The following HSPA13 variants were observed in gnomAD, a reference collection of about 807,000 sequenced individuals.
HSPA13 encodes the protein heat shock protein family A (Hsp70) member 13.
HSPA13 carries 29 observed loss-of-function variants against 38.8 expected under a neutral mutation model. That is an observed-to-expected ratio of 0.75 (90% CI 0.56 to 1.02). HSPA13 has a LOEUF of 1.02. Ranked by LOEUF, HSPA13 falls within the 50% of genes least tolerant of loss-of-function variation. The pLI is 0.00. For missense variants in HSPA13, 451 were observed against 560.9 expected, an observed-to-expected ratio of 0.80 and a Z score of 1.98; for synonymous variants, 192 against 205.3, an observed-to-expected ratio of 0.94 and a Z score of 0.56.
In HSPA13 at chr21:14,374,291, G is replaced by A. The variant is rs1443923322; in HGVS notation, c.749-7C>T. 22 of 1,596,190 alleles carry A rather than the reference G, an allele frequency of 1.4e-5. No homozygotes were observed. The highest frequency in any genetic ancestry group is 1.7e-5 in the Non-Finnish European group (20 of 1,173,344). On this transcript the variant is annotated splice_polypyrimidine_tract_variant and splice_region_variant and intron_variant, in intron 4 of 4. Coordinates refer to ENST00000285667, the MANE Select transcript of HSPA13 (RefSeq NM_006948.5). ...CCTCCAAGTTTATTGTTTCCTGAGT[G>A]AAAAATAAAAGTTTAATATAGTTAT...
At chr21:14,377,308 T>C (rs1442007811) in intron 3 of HSPA13, among the ~76,000 whole-genome samples, 1 of 152,236 alleles carries the variant, frequency 6.6e-6, no homozygotes, top group Non-Finnish European at 1.5e-5. Flanking sequence ...AAATGTTAAA[T>C]CATTAAATGA....
rs1173380510 is a variant in HSPA13, at chr21:14,381,487, A to G, written c.82T>C (p.Leu28=). The change falls in exon 2 of 5, where the codon TTG becomes CTG. Residue 28 remains leucine, a synonymous_variant. Coordinates refer to ENST00000285667, the MANE Select transcript of HSPA13 (RefSeq NM_006948.5). ...AGYLAQQYLP[L]PTPKVIGIDL... The stretch of plus-strand genomic sequence containing the variant: ...ATACCAATCACTTTAGGAGTAGGCA[A>G]TGGTAAATACTGTTGTGCCAAATAG... 5.0e-6 allele frequency: 8 copies of G among 1,613,512 alleles called. No homozygotes were observed. Among genetic ancestry groups the G allele is most frequent in the South Asian group, 1.1e-5 (1 of 91,066 alleles).
In HSPA13 at chr21:14,381,293, A is replaced by C. The variant is rs903451084; in HGVS notation, c.276T>G (p.Pro92=). The change falls in exon 2 of 5, where the codon CCT becomes CCG. Residue 92 remains proline, a synonymous_variant. Transcript: ENST00000285667. ...TTTTGGCATCATATATTGTGTTTTG[A>C]GGATTTGAATCTGCCAGCTCTACGC... ...YESVELADSN[P]QNTIYDAKRF... is the part of the protein sequence containing the mutation. 6 of 1,614,124 alleles carry C rather than the reference A, an allele frequency of 3.7e-6. No individual in the cohort carries two copies. The highest frequency in any genetic ancestry group is 5.1e-6 in the Non-Finnish European group (6 of 1,179,992).
chr21:14,378,153 C>T, intron 3 of HSPA13, 46 bp downstream of exon 3: 6 of 1,486,282 alleles, frequency 4.0e-6, no homozygotes, highest in Non-Finnish European at 5.6e-6. Context: ...GTTTTCAACC[C>T]AACACAATTT....
intron 2 of HSPA13, among the ~76,000 whole-genome samples, chr21:14,380,280 A>T (rs1171451462): frequency 1.3e-5 from 2 of 151,930 alleles, no homozygotes; most frequent in Non-Finnish European, 2.9e-5. Context: ...ATCAGTGAAA[A>T]AAAAAAGGTA....
intron 3 of HSPA13, 75 bp from the exon 4 acceptor site, chr21:14,375,894 T>C: frequency 8.2e-7 from 1 of 1,218,856 alleles, no homozygotes; most frequent in Middle Eastern, 2.0e-4. Flanking sequence ...TACAGCATGT[T>C]TGTGTCTTCT....
intron 3 of HSPA13, among the ~76,000 whole-genome samples, chr21:14,376,793 G>A (rs1292566646): frequency 2.0e-5 from 3 of 152,176 alleles, no homozygotes; most frequent in Non-Finnish European, 4.4e-5. Flanking sequence ...CGTCTGCATG[G>A]TTAAGTATTT....
chr21:14,374,327 G>C (rs566295886), intron 4 of HSPA13, 43 bp from the exon 5 acceptor site: 17 of 1,364,766 alleles, frequency 1.2e-5, no homozygotes, highest in East Asian at 1.2e-4. Flanking sequence ...GCATATATGT[G>C]TGTATGTATA....
At position 14,373,840 on chromosome 21, in the gene HSPA13, T is replaced by A. The variant is rs1982887063; in HGVS notation, c.1193A>T (p.Glu398Val). Residue 398 changes from glutamate to valine, a missense_variant, in exon 5 of 5, where the codon GAG becomes GTG. Physicochemically the swap from Glu to Val is moderately radical, Grantham distance 121. Coordinates refer to ENST00000285667, the MANE Select transcript of HSPA13 (RefSeq NM_006948.5). ...CCCAACTAAAACCACCTCATCAATC[T>A]CAGTCTTTTCCAGGTGGCCTTCTTT... ...VLKEGHLEKT[E>V]IDEVVLVGGS... 1.9e-6 allele frequency: 3 copies of A among 1,614,190 alleles called. No homozygotes were observed. In the African/African-American group the frequency reaches 4.0e-5, roughly 22 times the overall value.
At position 14,373,731 on chromosome 21, in the gene HSPA13, T is replaced by TAGGTC. The variant is rs1459214629; in HGVS notation, c.1297_1301dup (p.Ala435ThrfsTer2). ...GGATAGCCACTCCCGTTACTACTGC[T>TAGGTC]AGGTCAGGGTCTACAGATGTGTTGG... is the stretch of plus-strand genomic sequence containing the variant. On this transcript the variant is annotated frameshift_variant, in exon 5 of 5. Transcript: ENST00000285667. LOFTEE classifies it high-confidence loss of function. The TAGGTC allele has an allele frequency of 5.6e-5, 90 of 1,614,094 alleles. No individual in the cohort carries two copies. Among genetic ancestry groups the TAGGTC allele is most frequent in the Non-Finnish European group, 7.4e-5 (87 of 1,180,030 alleles).
chr21:14,378,738 G>T (rs1234081265), intron 2 of HSPA13, among the ~76,000 whole-genome samples: 1 of 151,818 alleles, frequency 6.6e-6, no homozygotes, highest in East Asian at 1.9e-4. Flanking sequence ...TCCTGCCTCA[G>T]CTTCCCAAGT....
At chr21:14,376,508 G>GT in intron 3 of HSPA13, among the ~76,000 whole-genome samples, 1 of 152,304 alleles carries the variant, frequency 6.6e-6, no homozygotes, top group Non-Finnish European at 1.5e-5. Context: ...AAAAGATCAG[G>GT]TTTCTTTGAA....
rs1984159298 is a variant in HSPA13 at position 14,381,221 on chromosome 21, A to C, written c.348T>G (p.Ile116Met). Residue 116 changes from isoleucine to methionine, a missense_variant, in exon 2 of 5, where the codon ATT becomes ATG. Transcript: ENST00000285667. ...IFTAEELEAE[I>M]GRYPFKVLNK... ...CACTTACCTTAAATGGGTATCTGCC[A>C]ATTTCAGCCTCCAACTCTTCTGCGG... 6.2e-7 allele frequency: 1 copy of C among 1,602,932 alleles called. No homozygotes were observed. The highest frequency in any genetic ancestry group is 1.7e-5 in the Admixed American group (1 of 59,842).
In HSPA13 at chr21:14,372,786, G is replaced by A. The variant is rs1259035795; in HGVS notation, c.*831C>T. ...ATTTGCCAATGTTTGCAAAGGTCTCGGATAACAAAAATAAGATAGCAATCA... is the reference window on the plus strand; with the variant it reads ...ATTTGCCAATGTTTGCAAAGGTCTCAGATAACAAAAATAAGATAGCAATCA... On this transcript the variant is annotated 3_prime_UTR_variant, in exon 5 of 5. Coordinates refer to ENST00000285667, the MANE Select transcript of HSPA13 (RefSeq NM_006948.5). The A allele has an allele frequency of 6.6e-6, 1 of 151,998 alleles. No individual in the cohort carries two copies. The highest frequency in any genetic ancestry group is 1.9e-4 in the East Asian group (1 of 5,196). The allele number at this position is 151,998 out of a possible 1,614,324, so 9.4% of individuals were successfully genotyped here. A position where few individuals can be genotyped will look rare whatever the true frequency, so the allele number is the denominator to read the frequency against.
rs781271612 is a variant in HSPA13, at chr21:14,378,194, G to A, written c.580+5C>T. 50 of 1,610,168 alleles carry A rather than the reference G, an allele frequency of 3.1e-5. No homozygotes were observed. Among genetic ancestry groups the A allele is most frequent in the Non-Finnish European group, 4.2e-5 (50 of 1,176,576 alleles). The stretch of plus-strand genomic sequence containing the variant: ...AAAATGCATCTCAGTCAAGGGTACT[G>A]TTACCTGCAAGGTTAGCAGCTTCAA... On this transcript the variant is annotated splice_donor_5th_base_variant and intron_variant, in intron 3 of 4. Transcript: ENST00000285667.
Position 14,379,713 on chromosome 21 carries a change from C to T in HSPA13, c.367-1301G>A, listed in dbSNP as rs138720075. Among the ~76,000 whole-genome samples the T allele has an allele frequency of 3.4e-4, 52 of 152,134 alleles. No homozygotes were observed. In the East Asian group the frequency reaches 9.3e-3, roughly 27 times the overall value. On this transcript the variant is annotated intron_variant, in intron 2 of 4. Coordinates refer to ENST00000285667, the MANE Select transcript of HSPA13 (RefSeq NM_006948.5). ...AACAAAGTAATAAACCTAAGAAATG[C>T]AGGGAGCAATTTTTTTTTCTTTGAA...
rs758765272 is a variant in HSPA13, at chr21:14,375,694, G to A, written c.706C>T (p.Leu236=). The part of the protein sequence containing the change: ...LGGGTLDVSL[L]NKQGGMFLTR... The stretch of plus-strand genomic sequence containing the variant: ...AGAAACATCCCTCCTTGTTTATTCA[G>A]TAAAGACACATCTAGAGTTCCTCCG... The change falls in exon 4 of 5, where the codon CTG becomes TTG. Residue 236 remains leucine, a synonymous_variant. Transcript: ENST00000285667. 6.2e-7 allele frequency: 1 copy of A among 1,613,820 alleles called. No individual in the cohort carries two copies. Among genetic ancestry groups the A allele is most frequent in the East Asian group, 2.2e-5 (1 of 44,876 alleles).
Position 14,374,146 on chromosome 21 carries a change from T to G in HSPA13, c.887A>C (p.Lys296Thr). ...HRLRQAVEMV[K>T]LNLTLHQSAQ... Reference sequence around the variant, plus strand: ...AGATTGATGAAGAGTCAGATTTAATTTGACCATTTCCACAGCTTGTCTCAA... The same window carrying G: ...AGATTGATGAAGAGTCAGATTTAATGTGACCATTTCCACAGCTTGTCTCAA... Residue 296 changes from lysine (K) to threonine (T), a missense_variant, in exon 5 of 5, where the codon AAA becomes ACA. Transcript: ENST00000285667. 6.2e-7 allele frequency: 1 copy of G among 1,614,140 alleles called. No homozygotes were observed. The highest frequency in any genetic ancestry group is 8.5e-7 in the Non-Finnish European group (1 of 1,180,034).
chr21:14,381,876 C>T (rs1984179643), intron 1 of HSPA13, among the ~76,000 whole-genome samples: 1 of 152,130 alleles, frequency 6.6e-6, no homozygotes, highest in African/African-American at 2.4e-5. Context: ...TTATCTGGAG[C>T]AAAAGCCAGA....
Sources: allele counts gnomAD v4.1 joint callset (sites outside exome capture counted in the v4.1 genomes callset), GRCh38; gene constraint gnomAD v4.1.1; transcripts MANE v1.5; gene names NCBI Gene and HGNC (gene_info 2026-07-23, HGNC 2026-07-21).